The following WDR81 variants were observed in gnomAD, a reference collection of about 807,000 sequenced individuals.
WDR81 encodes WD repeat domain 81.
In WDR81, 92 loss-of-function variants were observed where a neutral mutation model predicts 140.8. The ratio of observed to expected loss-of-function variants is 0.65; its 90% CI spans 0.55 to 0.78. The LOEUF (loss-of-function observed/expected upper bound fraction) is 0.78. WDR81 is among the 30% of genes least tolerant of loss of function. The pLI is 0.00. For missense variants in WDR81, 2,502 were observed against 2,636.4 expected (o/e 0.95, Z 1.12); for synonymous variants, 1,183 against 1,156.4 (o/e 1.02, Z -0.47).
At chr17:1,722,886 A>G (rs1226478079), upstream of WDR81, among the ~76,000 whole-genome samples, 1 of 148,552 alleles carries the variant, frequency 6.7e-6, no homozygotes, top group East Asian at 2.0e-4. Context: ...GTAGAGATGG[A>G]GTTTCCCCAA....
At position 1,726,156 on chromosome 17, in the gene WDR81, G is replaced by A; in HGVS notation, c.1197G>A (p.Leu399=). 1 of 1,520,938 alleles carries A rather than the reference G, an allele frequency of 6.6e-7. No individual in the cohort carries two copies. The allele number at this position is 1,520,938 out of a possible 1,614,324, so 94.2% of individuals were successfully genotyped here. The change falls in exon 1 of 10, where the codon CTG becomes CTA. Residue 399 remains leucine, a synonymous_variant. Transcript: ENST00000409644. The part of the protein sequence containing the change: ...FTTPHGRFRD[L]RKSKFRLNKG... ...CGCCCCATGGGCGCTTCCGAGACCT[G>A]CGCAAGTCCAAGTTCCGCCTCAACA...
chr17:1,733,957 C>T lies in WDR81; in HGVS notation c.4920C>T (p.Arg1640=). ...QDAHFHFHQI[R]LQSFPGHSGA... ...CCCACTTTCACTTCCACCAGATCCG[C>T]CTGCAGAGCTTCCCGGGCCACTCGG... is the stretch of plus-strand genomic sequence containing the variant. Residue 1640 remains arginine, a synonymous_variant, in exon 7 of 10, where the codon CGC becomes CGT. Transcript: ENST00000409644. 1.2e-6 allele frequency: 2 copies of T among 1,612,884 alleles called. No individual in the cohort carries two copies. The highest frequency in any genetic ancestry group is 1.7e-6 in the Non-Finnish European group (2 of 1,179,988).
rs964820390 is a variant in WDR81 at position 1,724,733 on chromosome 17, TCGCGCCCGGCAGCCTCTGCCCCGC to T, written c.-217_-194del. ...GACCCGTCACGGTGGAGCCCGGTGC[TCGCGCCCGGCAGCCTCTGCCCCGC>T]CGCGCCCGGAGCGCAGGACCCGCGG... On this transcript the variant is annotated 5_prime_UTR_variant, in exon 1 of 10. Transcript: ENST00000409644. The T allele has an allele frequency of 7.2e-6, 8 of 1,107,378 alleles. No homozygotes were observed. The highest frequency in any genetic ancestry group is 6.6e-6 in the Non-Finnish European group (6 of 909,764). The allele number at this position is 1,107,378 out of a possible 1,614,324, so 68.6% of individuals were successfully genotyped here. A position where few individuals can be genotyped will look rare whatever the true frequency, so the allele number is the denominator to read the frequency against.
Position 1,733,445 on chromosome 17 carries a change from C to T in WDR81, c.4490-82C>T, listed in dbSNP as rs1597300733. The T allele has an allele frequency of 6.4e-6, 9 of 1,399,410 alleles. No homozygotes were observed. The East Asian group carries it at 1.7e-4, about 26-fold the overall frequency. The allele number at this position is 1,399,410 out of a possible 1,614,324, so 86.7% of individuals were successfully genotyped here. A position where few individuals can be genotyped will look rare whatever the true frequency, so the allele number is the denominator to read the frequency against. On this transcript the variant is annotated intron_variant, in intron 6 of 9. Transcript: ENST00000409644. ...GCAGAGCCAGTTCCTGCCCCATCTTCTGTGGCTCCCGAGTCCTTGGATGGG... is the reference window on the plus strand; with the variant it reads ...GCAGAGCCAGTTCCTGCCCCATCTTTTGTGGCTCCCGAGTCCTTGGATGGG...
intron 1 of WDR81, chr17:1,716,960 C>T (rs567031913): frequency 7.3e-5 from 34 of 464,752 alleles, no homozygotes; most frequent in African/African-American, 5.4e-4. Flanking sequence ...TTGGATGTCT[C>T]TTCCCAGTCC....
intron 1 of WDR81, among the ~76,000 whole-genome samples, chr17:1,718,422 A>G (rs1175899386): frequency 6.6e-6 from 1 of 152,156 alleles, no homozygotes; most frequent in African/African-American, 2.4e-5. Flanking sequence ...GCCCGGCCGC[A>G]TTCACTCCAC....
At position 1,724,724 on chromosome 17, in the gene WDR81, G is replaced by T. The variant is rs1915095919; in HGVS notation, c.-236G>T. 18 of 1,099,478 alleles carry T rather than the reference G, an allele frequency of 1.6e-5. No homozygotes were observed. The highest frequency in any genetic ancestry group is 1.8e-5 in the Non-Finnish European group (16 of 904,824). The allele number at this position is 1,099,478 out of a possible 1,614,324, so 68.1% of individuals were successfully genotyped here. ...GCGTCAGCTGACCCGTCACGGTGGA[G>T]CCCGGTGCTCGCGCCCGGCAGCCTC... On this transcript the variant is annotated 5_prime_UTR_variant, in exon 1 of 10. Transcript: ENST00000409644.
At chr17:1,716,616 C>A in exon 1 of WDR81, 1 of 1,551,392 alleles carries the variant, frequency 6.4e-7, no homozygotes, top group East Asian at 2.4e-5. Context: ...CCGTCGTTCC[C>A]AGAACCCAGC....
chr17:1,736,778 G>A (rs1381637382), intron 9 of WDR81, among the ~76,000 whole-genome samples: 2 of 152,188 alleles, frequency 1.3e-5, no homozygotes, highest in African/African-American at 4.8e-5. Flanking sequence ...GGAGGAACAG[G>A]GCTTCGTGTG....
In WDR81 at chr17:1,730,780, G is replaced by C; in HGVS notation, c.3801G>C (p.Val1267=). ...YVGPTRQQFT[V]SSGESPPLSA... is the part of the protein sequence containing the mutation. ...GACCCACTCGGCAGCAGTTCACAGTGAGCAGTGGCGAGAGCCCACCGCTGA... is the reference window on the plus strand; with the variant it reads ...GACCCACTCGGCAGCAGTTCACAGTCAGCAGTGGCGAGAGCCCACCGCTGA... The change falls in exon 3 of 10, where the codon GTG becomes GTC. Residue 1267 remains valine, a synonymous_variant. Coordinates refer to ENST00000409644, the MANE Select transcript of WDR81 (RefSeq NM_001163809.2). The C allele has an allele frequency of 6.2e-7, 1 of 1,611,694 alleles. No individual in the cohort carries two copies. Among genetic ancestry groups the C allele is most frequent in the Non-Finnish European group, 8.5e-7 (1 of 1,179,690 alleles).
chr17:1,721,550 C>T (rs1914866589), upstream of WDR81, among the ~76,000 whole-genome samples: 1 of 151,586 alleles, frequency 6.6e-6, no homozygotes, highest in Non-Finnish European at 1.5e-5. Context: ...ACTCGGGCAC[C>T]ATGGCTCACA....
In WDR81 at chr17:1,727,013, C is replaced by T. The variant is rs770370520; in HGVS notation, c.2054C>T (p.Ala685Val). 1.3e-5 allele frequency: 20 copies of T among 1,550,300 alleles called. No individual in the cohort carries two copies. In the Admixed American group the frequency reaches 1.8e-4, roughly 14 times the overall value. Residue 685 changes from alanine (A) to valine (V), a missense_variant, in exon 1 of 10, where the codon GCG becomes GTG. By Grantham distance (64) the Ala-to-Val change is moderately conservative (BLOSUM62 0). Coordinates refer to ENST00000409644, the MANE Select transcript of WDR81 (RefSeq NM_001163809.2). ...AGDQLGSSSQASPGLLSFSVA... is the reference protein window; with the variant it reads ...AGDQLGSSSQVSPGLLSFSVA... Reference sequence around the variant, plus strand: ...GACCAGCTGGGCTCCTCCAGTCAAGCGTCCCCTGGACTTCTCTCTTTCTCA... The same window carrying T: ...GACCAGCTGGGCTCCTCCAGTCAAGTGTCCCCTGGACTTCTCTCTTTCTCA...
At position 1,737,728 on chromosome 17, in the gene WDR81, C is replaced by T. The variant is rs759946368; in HGVS notation, c.*43C>T. ...CCGGGCAAGGGTGGGAAGACATCTG[C>T]GGGCGCGTGTCCACTCACCCTGTTC... On this transcript the variant is annotated 3_prime_UTR_variant, in exon 10 of 10. Coordinates refer to ENST00000409644, the MANE Select transcript of WDR81 (RefSeq NM_001163809.2). 43 of 1,552,780 alleles carry T rather than the reference C, an allele frequency of 2.8e-5. No homozygotes were observed. Among genetic ancestry groups the T allele is most frequent in the Middle Eastern group, 1.8e-4 (1 of 5,530 alleles).
chr17:1,735,908 G>C lies in WDR81; in HGVS notation c.5326-131G>C, dbSNP rs902418336. On this transcript the variant is annotated intron_variant, in intron 8 of 9. Transcript: ENST00000409644. The surrounding 1 kb of genome is among the most constrained non-coding windows in gnomAD (Gnocchi z 4.2). ...GGCCTGTGATGGGGGTGGGGTTCTGGGCTTTTCATGCCCCCTGATGAGGGT... is the reference window on the plus strand; with the variant it reads ...GGCCTGTGATGGGGGTGGGGTTCTGCGCTTTTCATGCCCCCTGATGAGGGT... The C allele has an allele frequency of 1.4e-6, 2 of 1,408,922 alleles. No individual in the cohort carries two copies. The highest frequency in any genetic ancestry group is 1.9e-6 in the Non-Finnish European group (2 of 1,060,456). The allele number at this position is 1,408,922 out of a possible 1,614,324, so 87.3% of individuals were successfully genotyped here.
rs1915347874 is a variant in WDR81 at position 1,727,288 on chromosome 17, C to A, written c.2329C>A (p.Leu777Ile). 1 of 1,550,192 alleles carries A rather than the reference C, an allele frequency of 6.5e-7. No homozygotes were observed. ...CAGGGACATGCAGGCGCTGGGTGTC[C>A]TATTGGCAGAGATGGTGTTTGCCAC... ...LHRDMQALGV[L>I]LAEMVFATRV... The change falls in exon 1 of 10, where the codon CTA becomes ATA. Residue 777 changes from leucine to isoleucine, a missense_variant. Leu to Ile is a conservative substitution (Grantham distance 5). Around this residue, in one of 3 missense-constraint regions of WDR81, gnomAD observed 1,737 missense variants for 1,843.0 expected, o/e 0.94. Transcript: ENST00000409644.
intron 9 of WDR81, among the ~76,000 whole-genome samples, chr17:1,736,959 T>G (rs930692404): frequency 6.6e-6 from 1 of 152,200 alleles, no homozygotes; most frequent in African/African-American, 2.4e-5. Flanking sequence ...TCAGGAGGGC[T>G]CTGGGGTCAG....
At chr17:1,723,710 C>A (rs1915021339), upstream of WDR81, among the ~76,000 whole-genome samples, 1 of 151,888 alleles carries the variant, frequency 6.6e-6, no homozygotes, top group East Asian at 2.0e-4. Flanking sequence ...TGGTCTCGAT[C>A]TCCTGACCTC....
chr17:1,719,071 A>G (rs1235110886), intron 1 of WDR81, among the ~76,000 whole-genome samples: 1 of 152,108 alleles, frequency 6.6e-6, no homozygotes, highest in East Asian at 1.9e-4. Context: ...ACGTTACCAA[A>G]TGTCTCCTAG....
intron 9 of WDR81, among the ~76,000 whole-genome samples, chr17:1,737,057 T>A (rs539467105): frequency 8.6e-4 from 131 of 152,268 alleles, no homozygotes; most frequent in African/African-American, 2.9e-3. Context: ...TTTTCCTGTT[T>A]GTGAAATGGG....
Sources: gnomAD v4.1 joint callset for allele counts (sites outside exome capture counted in the v4.1 genomes callset) on GRCh38, gnomAD v4.1.1 for gene constraint, gnomAD v4.1.1 regional missense constraint, Gnocchi (gnomAD v3.1) non-coding constraint, MANE v1.5 for transcripts, NCBI Gene and HGNC (gene_info 2026-07-23, HGNC 2026-07-21) for gene names.